CNTN5: variants seen among roughly 807,000 people sequenced by gnomAD.
CNTN5 encodes contactin-5.
CNTN5 carries 77 observed loss-of-function variants against 129.1 expected under a neutral mutation model. The observed-to-expected ratio is 0.60, with a 90% CI of 0.50 to 0.72. CNTN5 has a LOEUF of 0.72. CNTN5 is among the 30% of genes least tolerant of loss of function. CNTN5 has a pLI of 0.00. For synonymous variants in CNTN5, 509 were observed against 465.6 expected (o/e 1.09, Z -1.20); for missense variants, 1,478 against 1,328.8 (o/e 1.11, Z -1.75).
At chr11:99,037,576 CTTTTT>C (rs1161467398) in intron 1 of CNTN5, among the ~76,000 whole-genome samples, 7 of 105,670 alleles carry the variant, frequency 6.6e-5, no homozygotes, top group African/African-American at 1.4e-4. Context: ...TTTTTCTTTT[CTTTTT>C]TTTTTTTTTT....
chr11:99,078,921 T>C (rs1865688615), intron 1 of CNTN5, among the ~76,000 whole-genome samples: 1 of 152,026 alleles, frequency 6.6e-6, no homozygotes, highest in South Asian at 2.1e-4. Flanking sequence ...TATTGTACAT[T>C]TAAAAAATCA....
chr11:99,249,626 A>G (rs893713275), intron 1 of CNTN5, among the ~76,000 whole-genome samples: 8 of 152,020 alleles, frequency 5.3e-5, no homozygotes, highest in African/African-American at 1.9e-4. Context: ...ATGTTATTTG[A>G]AATCCAAATA....
intron 9 of CNTN5, among the ~76,000 whole-genome samples, chr11:100,020,566 T>C (rs1476588738): frequency 6.6e-6 from 1 of 152,144 alleles, no homozygotes; most frequent in Non-Finnish European, 1.5e-5. Flanking sequence ...GGAAGTATAA[T>C]GCACCCAGTT....
intron 3 of CNTN5, among the ~76,000 whole-genome samples, chr11:99,693,710 A>C (rs1455110041): frequency 6.6e-6 from 1 of 152,164 alleles, no homozygotes; most frequent in Non-Finnish European, 1.5e-5. Context: ...CCAATATGTC[A>C]GTGGGATTTT....
intron 13 of CNTN5, among the ~76,000 whole-genome samples, chr11:100,131,863 T>A (rs1946388914): frequency 6.6e-6 from 1 of 151,998 alleles, no homozygotes; most frequent in Admixed American, 6.6e-5. Context: ...AAGTCCATGA[T>A]AAGGGCCATG....
chr11:100,239,940 T>A (rs536241129), intron 16 of CNTN5, among the ~76,000 whole-genome samples: 4 of 152,350 alleles, frequency 2.6e-5, no homozygotes, highest in Admixed American at 2.6e-4. Flanking sequence ...GGTTATTGAT[T>A]CATATAATTA....
intron 2 of CNTN5, among the ~76,000 whole-genome samples, chr11:99,550,768 G>A (rs1313757027): frequency 1.3e-5 from 2 of 152,090 alleles, no homozygotes; most frequent in Admixed American, 1.3e-4. Flanking sequence ...TAACAGGTAA[G>A]TAGGCTAATC....
intron 13 of CNTN5, among the ~76,000 whole-genome samples, chr11:100,131,566 A>C (rs1453506002): frequency 6.6e-6 from 1 of 152,084 alleles, no homozygotes; most frequent in Non-Finnish European, 1.5e-5. Context: ...TAATGGTCGA[A>C]ACAAAGCAGG....
At chr11:99,463,220 C>T (rs1431036021) in intron 2 of CNTN5, among the ~76,000 whole-genome samples, 2 of 150,760 alleles carry the variant, frequency 1.3e-5, no homozygotes, top group East Asian at 1.9e-4. Context: ...GGGTAGATCA[C>T]GAGGTCAGGA....
chr11:99,646,144 GA>G (rs1480134945), intron 3 of CNTN5, among the ~76,000 whole-genome samples: 5 of 152,088 alleles, frequency 3.3e-5, no homozygotes, highest in African/African-American at 1.2e-4. Flanking sequence ...ATTTGCAGTC[GA>G]AAACATTGGC....
chr11:99,591,520 A>G (rs959240853), intron 3 of CNTN5, among the ~76,000 whole-genome samples: 5 of 151,616 alleles, frequency 3.3e-5, no homozygotes, highest in African/African-American at 7.3e-5. Flanking sequence ...TTGTATTTTT[A>G]GTAGAGATGG....
intron 3 of CNTN5, among the ~76,000 whole-genome samples, chr11:99,788,650 A>G (rs1369763127): frequency 6.6e-6 from 1 of 151,916 alleles, no homozygotes; most frequent in South Asian, 2.1e-4. Flanking sequence ...CAACTTTATT[A>G]TATATGCAGA....
At chr11:99,763,698 C>A (rs1944660976) in intron 3 of CNTN5, among the ~76,000 whole-genome samples, 1 of 151,950 alleles carries the variant, frequency 6.6e-6, no homozygotes, top group Non-Finnish European at 1.5e-5. Flanking sequence ...TTAATTTAAG[C>A]AGCTGCTTAC....
At chr11:99,372,104 A>G (rs1939863044) in intron 2 of CNTN5, among the ~76,000 whole-genome samples, 1 of 152,260 alleles carries the variant, frequency 6.6e-6, no homozygotes, top group Admixed American at 6.5e-5. Flanking sequence ...ACAGCCTTCC[A>G]TGCTTATGAA....
At chr11:99,710,230 G>T (rs657947) in intron 3 of CNTN5, among the ~76,000 whole-genome samples, 116,427 of 151,582 alleles carry the variant, frequency 0.77, 44,977 homozygotes, top group Middle Eastern at 0.86. Flanking sequence ...TATCATCACT[G>T]CCCAGCATCT....
chr11:100,325,654 T>C (rs1181495299), intron 21 of CNTN5, among the ~76,000 whole-genome samples: 1 of 152,202 alleles, frequency 6.6e-6, no homozygotes, highest in Non-Finnish European at 1.5e-5. Context: ...CTGGTTAGAT[T>C]TCTTTGGGTT....
chr11:99,862,069 C>T (rs1004146295), intron 6 of CNTN5, among the ~76,000 whole-genome samples: 4 of 152,074 alleles, frequency 2.6e-5, no homozygotes, highest in Non-Finnish European at 5.9e-5. Flanking sequence ...TCCAGCATAA[C>T]TTGTATGCTA....
At chr11:99,234,696 T>C (rs1378120713) in intron 1 of CNTN5, among the ~76,000 whole-genome samples, 2 of 152,008 alleles carry the variant, frequency 1.3e-5, no homozygotes. Flanking sequence ...GTATTTCTAA[T>C]GTAGATATTT....
intron 3 of CNTN5, among the ~76,000 whole-genome samples, chr11:99,623,393 G>A (rs531645308): frequency 6.6e-6 from 1 of 152,182 alleles, no homozygotes; most frequent in East Asian, 1.9e-4. Flanking sequence ...CATGAACTTG[G>A]CTCTCAGCCA....
Sources: gnomAD v4.1 joint callset for allele counts (sites outside exome capture counted in the v4.1 genomes callset) on GRCh38, gnomAD v4.1.1 for gene constraint, MANE v1.5 for transcripts, NCBI Gene and HGNC (gene_info 2026-07-23, HGNC 2026-07-21) for gene names.